The following EEPD1 variants were observed in gnomAD, a reference collection of about 807,000 sequenced individuals.
The protein encoded by EEPD1 is endonuclease/exonuclease/phosphatase family domain containing 1, also known as endonuclease/exonuclease/phosphatase family domain-containing protein 1.
A neutral mutation model predicts 46.3 loss-of-function variants in EEPD1; 17 were observed. The observed-to-expected ratio is 0.37, with a 90% CI of 0.25 to 0.55. EEPD1 has a LOEUF of 0.55. Ranked by LOEUF, EEPD1 falls within the 20% of genes least tolerant of loss-of-function variation. EEPD1 has a pLI of 0.83. For missense variants in EEPD1, 673 were observed against 745.6 expected (o/e 0.90, Z 1.13); for synonymous variants, 313 against 315.6 (o/e 0.99, Z 0.09).
chr7:36,221,319 A>G (rs560530917), intron 2 of EEPD1, among the ~76,000 whole-genome samples: 1 of 152,358 alleles, frequency 6.6e-6, no homozygotes, highest in East Asian at 1.9e-4. Context: ...AGCCAGCTCT[A>G]TGGTATGTGT....
intron 2 of EEPD1, among the ~76,000 whole-genome samples, chr7:36,169,001 C>T (rs1451954639): frequency 6.6e-6 from 1 of 152,162 alleles, no homozygotes; most frequent in Non-Finnish European, 1.5e-5. Context: ...TTTTACTTAG[C>T]ATGATGTTTT....
At chr7:36,209,452 C>T (rs895304049) in intron 2 of EEPD1, among the ~76,000 whole-genome samples, 3 of 152,136 alleles carry the variant, frequency 2.0e-5, no homozygotes, top group African/African-American at 7.2e-5. Flanking sequence ...GGCATATACA[C>T]GTGTGCCGTT....
At chr7:36,194,377 A>G (rs28563000) in intron 2 of EEPD1, among the ~76,000 whole-genome samples, 7 of 152,174 alleles carry the variant, frequency 4.6e-5, no homozygotes, top group African/African-American at 1.4e-4. Context: ...AGTGATTTTT[A>G]CCCCAAAGTA....
chr7:36,176,993 G>C (rs371283463), intron 2 of EEPD1, among the ~76,000 whole-genome samples: 1 of 152,218 alleles, frequency 6.6e-6, no homozygotes, highest in African/African-American at 2.4e-5. Context: ...TTTAGAGACA[G>C]AAAGCGGATC....
chr7:36,260,982 T>C (rs866952259), intron 3 of EEPD1, among the ~76,000 whole-genome samples: 9 of 152,242 alleles, frequency 5.9e-5, no homozygotes, highest in Admixed American at 3.9e-4. Flanking sequence ...TGTGCATAGA[T>C]TATAAACAAA....
intron 2 of EEPD1, among the ~76,000 whole-genome samples, chr7:36,236,960 T>C (rs1786458801): frequency 6.6e-6 from 1 of 152,226 alleles, no homozygotes; most frequent in Non-Finnish European, 1.5e-5. Context: ...CTGTGGAAGC[T>C]TCGTTCTTTT....
chr7:36,181,528 G>C (rs1198285825), intron 2 of EEPD1, among the ~76,000 whole-genome samples: 1 of 152,228 alleles, frequency 6.6e-6, no homozygotes, highest in Non-Finnish European at 1.5e-5. Context: ...TGCGAGTTGA[G>C]TGTGGCCAAA....
intron 5 of EEPD1, among the ~76,000 whole-genome samples, chr7:36,286,473 G>A (rs1173509526): frequency 6.6e-6 from 1 of 152,204 alleles, no homozygotes; most frequent in Non-Finnish European, 1.5e-5. Context: ...TGTTGATGTT[G>A]GTTGCCATGA....
intron 2 of EEPD1, among the ~76,000 whole-genome samples, chr7:36,207,896 T>G (rs555171912): frequency 7.3e-4 from 110 of 151,094 alleles, no homozygotes; most frequent in African/African-American, 2.5e-3. Flanking sequence ...GAGTTTTTTT[T>G]TTTTTTTTTT....
chr7:36,263,008 A>T (rs969509265), intron 3 of EEPD1, among the ~76,000 whole-genome samples: 1 of 152,116 alleles, frequency 6.6e-6, no homozygotes, highest in Admixed American at 6.6e-5. Context: ...ACATGCTCTA[A>T]CAATAGGAGA....
At chr7:36,212,968 C>G (rs1785962074) in intron 2 of EEPD1, among the ~76,000 whole-genome samples, 2 of 152,020 alleles carry the variant, frequency 1.3e-5, no homozygotes, top group Admixed American at 1.3e-4. Flanking sequence ...GCCTGGCCAA[C>G]ATGATGAAAC....
At chr7:36,272,005 C>T (rs556089693) in intron 3 of EEPD1, among the ~76,000 whole-genome samples, 1 of 152,096 alleles carries the variant, frequency 6.6e-6, no homozygotes. Flanking sequence ...CCTCAGCCTC[C>T]CACGTAGCTG....
At chr7:36,249,749 G>A (rs755928359) in intron 3 of EEPD1, among the ~76,000 whole-genome samples, 7 of 152,308 alleles carry the variant, frequency 4.6e-5, no homozygotes, top group East Asian at 1.9e-4. Flanking sequence ...GCTGGAACAT[G>A]CCTACAGCTG....
intron 3 of EEPD1, among the ~76,000 whole-genome samples, chr7:36,254,957 A>G (rs1251753879): frequency 1.3e-5 from 2 of 152,034 alleles, no homozygotes; most frequent in Non-Finnish European, 2.9e-5. Context: ...GTCTTTTCAT[A>G]TCCTGTGCCC....
At chr7:36,213,814 G>T (rs11769188) in intron 2 of EEPD1, among the ~76,000 whole-genome samples, 1 of 152,050 alleles carries the variant, frequency 6.6e-6, no homozygotes, top group Non-Finnish European at 1.5e-5. Context: ...GTACCCCCCC[G>T]GATTGTCGGC....
At chr7:36,269,561 AG>A (rs1349560563) in intron 3 of EEPD1, among the ~76,000 whole-genome samples, 2 of 152,142 alleles carry the variant, frequency 1.3e-5, no homozygotes, top group Non-Finnish European at 2.9e-5. Context: ...TTCATACTCC[AG>A]GCCCCTGTGC....
At chr7:36,209,433 C>T (rs1328291252) in intron 2 of EEPD1, among the ~76,000 whole-genome samples, 1 of 152,168 alleles carries the variant, frequency 6.6e-6, no homozygotes, top group Non-Finnish European at 1.5e-5. Flanking sequence ...TAGAGCCAAG[C>T]CTGAGCTAGG....
At chr7:36,234,803 G>C (rs1229580948) in intron 2 of EEPD1, among the ~76,000 whole-genome samples, 1 of 152,106 alleles carries the variant, frequency 6.6e-6, no homozygotes, top group Non-Finnish European at 1.5e-5. Context: ...TGAGCATTCT[G>C]GGTGGGCAGG....
intron 2 of EEPD1, among the ~76,000 whole-genome samples, chr7:36,217,448 G>T (rs911266335): frequency 6.6e-6 from 1 of 152,194 alleles, no homozygotes; most frequent in Non-Finnish European, 1.5e-5. Context: ...GTTTTGGTAG[G>T]GTTGGGCCAG....
Sources: gnomAD v4.1 joint callset for allele counts (sites outside exome capture counted in the v4.1 genomes callset) on GRCh38, gnomAD v4.1.1 for gene constraint, MANE v1.5 for transcripts, NCBI Gene and HGNC (gene_info 2026-07-23, HGNC 2026-07-21) for gene names.